The following STT3B variants were observed in gnomAD, a reference collection of about 807,000 sequenced individuals.
STT3B encodes dolichyl-diphosphooligosaccharide--protein glycosyltransferase subunit STT3B.
Under a neutral mutation model 96.8 loss-of-function variants are expected in STT3B, and 29 were observed. The observed-to-expected ratio is 0.30, with a 90% confidence interval of 0.22 to 0.41. The LOEUF is 0.41. STT3B is among the 10% of genes least tolerant of loss of function. The pLI, the probability that STT3B is intolerant of heterozygous loss-of-function variation, is 1.00. For synonymous variants in STT3B, 367 were observed against 360.0 expected, an observed-to-expected ratio of 1.02 and a Z score of -0.22; for missense variants, 640 against 1,022.3, an observed-to-expected ratio of 0.63 and a Z score of 5.10.
rs752720412 is a variant in STT3B, at chr3:31,624,980, T to C, written c.1794T>C (p.His598=). The C allele has an allele frequency of 6.2e-7, 1 of 1,613,872 alleles. No individual in the cohort carries two copies. The highest frequency in any genetic ancestry group is 8.5e-7 in the Non-Finnish European group (1 of 1,179,862). The change falls in exon 12 of 16, where the codon CAT becomes CAC. Residue 598 remains histidine, a synonymous_variant. Transcript: ENST00000295770. ...GGCTAAGGCAAAATACAGATGAACA[T>C]GCACGAGTAATGTCTTGGTGGGATT... ...YFWLRQNTDE[H]ARVMSWWDYG... is the part of the protein sequence containing the mutation.
At chr3:31,549,486 T>C (rs1013081670) in intron 1 of STT3B, among the ~76,000 whole-genome samples, 2 of 152,088 alleles carry the variant, frequency 1.3e-5, no homozygotes, top group African/African-American at 4.8e-5. Context: ...ATTTTGCTTA[T>C]GAGTTTATTA....
intron 14 of STT3B, among the ~76,000 whole-genome samples, chr3:31,632,506 G>T (rs1489451699): frequency 6.6e-6 from 1 of 152,182 alleles, no homozygotes; most frequent in Non-Finnish European, 1.5e-5. Flanking sequence ...CCTGAAGGGG[G>T]TGGTAAAGGA....
chr3:31,570,306 G>A (rs1575418963), intron 1 of STT3B, among the ~76,000 whole-genome samples: 1 of 152,148 alleles, frequency 6.6e-6, no homozygotes, highest in African/African-American at 2.4e-5. Context: ...ATAACTCCAA[G>A]ATACAAAAAT....
chr3:31,607,489 G>A lies in STT3B; in HGVS notation c.877+7030G>A, dbSNP rs148482276. ...TCACAAGATCTGATGGTTTTGTAAGGGGAAACTCCTTTCGCTTGGTTTTCA... is the reference window on the plus strand; with the variant it reads ...TCACAAGATCTGATGGTTTTGTAAGAGGAAACTCCTTTCGCTTGGTTTTCA... On this transcript the variant is annotated intron_variant, in intron 5 of 15. Transcript: ENST00000295770. Among the ~76,000 whole-genome samples, 1,065 of 152,178 alleles carry A rather than the reference G, an allele frequency of 7.0e-3. 11 individuals carry two copies. Among genetic ancestry groups the A allele is most frequent in the African/African-American group, 0.024 (985 of 41,524 alleles).
chr3:31,611,069 G>A (rs1421345637), intron 5 of STT3B, among the ~76,000 whole-genome samples: 2 of 152,180 alleles, frequency 1.3e-5, no homozygotes, highest in East Asian at 3.8e-4. Context: ...GATGGGTATA[G>A]TAGTTTAGTT....
intron 6 of STT3B, 127 bp from the exon 7 acceptor site, chr3:31,616,802 G>C (rs549869667): frequency 1.5e-5 from 11 of 718,510 alleles, no homozygotes; most frequent in Admixed American, 5.4e-5. Flanking sequence ...GGAAATGTTG[G>C]CTAGATGAAA....
intron 15 of STT3B, 97 bp downstream of exon 15, chr3:31,633,244 A>AT: frequency 9.5e-7 from 1 of 1,052,832 alleles, no homozygotes; most frequent in African/African-American, 1.6e-5. Flanking sequence ...CATCTGCCAG[A>AT]TTTATAAAGA....
At chr3:31,552,626 T>C (rs1464816506) in intron 1 of STT3B, among the ~76,000 whole-genome samples, 1 of 152,230 alleles carries the variant, frequency 6.6e-6, no homozygotes, top group Non-Finnish European at 1.5e-5. Flanking sequence ...CGAGTGTTCT[T>C]TCCTCTCTCA....
intron 1 of STT3B, among the ~76,000 whole-genome samples, chr3:31,550,239 GTTC>G (rs1421269285): frequency 2.5e-4 from 38 of 152,286 alleles, no homozygotes; most frequent in Admixed American, 2.4e-3. Flanking sequence ...TGCCCTGTGT[GTTC>G]TTTTTTGATT....
Position 31,636,387 on chromosome 3 carries a change from A to T in STT3B, c.*323A>T, listed in dbSNP as rs181071641. 4.7e-4 allele frequency: 94 copies of T among 199,782 alleles called. No individual in the cohort carries two copies. The highest frequency in any genetic ancestry group is 2.1e-3 in the African/African-American group (92 of 43,570). 12.4% of individuals were successfully genotyped at this position (199,782 alleles called of 1,614,324 possible). A position where few individuals can be genotyped will look rare whatever the true frequency, so the allele number is the denominator to read the frequency against. ...AGAACCCTCTAATTTGGTCCCTGGCACATGCATACTTGTCAATGTTTTTAT... is the reference window on the plus strand; with the variant it reads ...AGAACCCTCTAATTTGGTCCCTGGCTCATGCATACTTGTCAATGTTTTTAT... On this transcript the variant is annotated 3_prime_UTR_variant, in exon 16 of 16. Transcript: ENST00000295770.
At chr3:31,544,746 A>G (rs1433595716) in intron 1 of STT3B, among the ~76,000 whole-genome samples, 1 of 152,162 alleles carries the variant, frequency 6.6e-6, no homozygotes, top group Non-Finnish European at 1.5e-5. Context: ...GCGGATCATG[A>G]GGTCAAGAGT....
intron 9 of STT3B, among the ~76,000 whole-genome samples, chr3:31,621,061 A>G (rs1188581435): frequency 6.6e-6 from 1 of 152,226 alleles, no homozygotes; most frequent in Non-Finnish European, 1.5e-5. Context: ...ATGCATTAGT[A>G]ATTTTATCTA....
Position 31,636,236 on chromosome 3 carries a change from G to A in STT3B, c.*172G>A. 2.1e-6 allele frequency: 1 copy of A among 467,462 alleles called. No individual in the cohort carries two copies. Among genetic ancestry groups the A allele is most frequent in the South Asian group, 5.7e-5 (1 of 17,604 alleles). 29.0% of individuals were successfully genotyped at this position (467,462 alleles called of 1,614,324 possible). On this transcript the variant is annotated 3_prime_UTR_variant, in exon 16 of 16. Coordinates refer to ENST00000295770, the MANE Select transcript of STT3B (RefSeq NM_178862.3). ...TAAAAAAATAAAATTGGCTTGTTGA[G>A]AACAGCTGTTTTCGATTTCTAATGT...
chr3:31,599,152 G>A (rs1016065591), intron 4 of STT3B, among the ~76,000 whole-genome samples: 1 of 152,082 alleles, frequency 6.6e-6, no homozygotes, highest in Non-Finnish European at 1.5e-5. Flanking sequence ...TTGGGGTTCA[G>A]TATTACCTTT....
intron 11 of STT3B, 138 bp downstream of exon 11, chr3:31,623,999 G>T: frequency 1.4e-6 from 1 of 715,088 alleles, no homozygotes; most frequent in Non-Finnish European, 2.2e-6. Flanking sequence ...TTTAATTTTG[G>T]TAGGTACACA....
chr3:31,552,611 C>A (rs1044377190), intron 1 of STT3B, among the ~76,000 whole-genome samples: 5 of 151,844 alleles, frequency 3.3e-5, no homozygotes, highest in African/African-American at 1.2e-4. Context: ...ATTTTTTAAC[C>A]CTTACGAGTG....
At chr3:31,624,504 G>A (rs1699490835) in intron 11 of STT3B, among the ~76,000 whole-genome samples, 1 of 152,138 alleles carries the variant, frequency 6.6e-6, no homozygotes, top group Non-Finnish European at 1.5e-5. Flanking sequence ...CTGGGGCTGG[G>A]GCCTAGCAGT....
intron 1 of STT3B, among the ~76,000 whole-genome samples, chr3:31,560,963 TCTGA>T (rs1697863475): frequency 6.6e-6 from 1 of 152,094 alleles, no homozygotes; most frequent in Non-Finnish European, 1.5e-5. Flanking sequence ...TTTATTTTTG[TCTGA>T]CTAGGTTATT....
At chr3:31,629,965 A>G (rs978643448) in intron 14 of STT3B, among the ~76,000 whole-genome samples, 4 of 152,200 alleles carry the variant, frequency 2.6e-5, no homozygotes, top group Admixed American at 2.6e-4. Context: ...AGAAGAAACA[A>G]TGGACTTGAT....
Sources: gnomAD v4.1 joint callset for allele counts (sites outside exome capture counted in the v4.1 genomes callset) on GRCh38, gnomAD v4.1.1 for gene constraint, MANE v1.5 for transcripts, NCBI Gene and HGNC (gene_info 2026-07-23, HGNC 2026-07-21) for gene names.